The following FANCL variants were observed in gnomAD, a reference collection of about 807,000 sequenced individuals.
FANCL encodes the protein E3 ubiquitin-protein ligase FANCL.
Under a neutral mutation model 59.4 loss-of-function variants are expected in FANCL, and 69 were observed. That is an observed-to-expected ratio of 1.16 (90% CI 0.96 to 1.42). The LOEUF (loss-of-function observed/expected upper bound fraction) is 1.42. Among genes scored for constraint, FANCL ranks in the 40% most tolerant of loss-of-function variants. The probability of loss-of-function intolerance (pLI) is 0.00; values close to 1 mark genes in which losing one functional copy is unlikely to be tolerated. For missense variants in FANCL, 519 were observed against 447.2 expected (o/e 1.16, Z -1.45); for synonymous variants, 180 against 147.1 (o/e 1.22, Z -1.62).
At chr2:58,160,622 G>C (rs1484339872) in intron 12 of FANCL, among the ~76,000 whole-genome samples, 2 of 151,864 alleles carry the variant, frequency 1.3e-5, no homozygotes, top group Non-Finnish European at 2.9e-5. Flanking sequence ...CACTAACAGT[G>C]GGTTAATTTT....
chr2:58,206,498 G>C (rs78289580), intron 5 of FANCL, among the ~76,000 whole-genome samples: 1 of 138,490 alleles, frequency 7.2e-6, no homozygotes, highest in African/African-American at 2.4e-5. Flanking sequence ...TTTAAGAGGG[G>C]TGGAAGAAAA....
At chr2:58,200,304 GCTAA>G (rs1436582969) in intron 6 of FANCL, among the ~76,000 whole-genome samples, 14 of 152,000 alleles carry the variant, frequency 9.2e-5, no homozygotes, top group African/African-American at 2.2e-4. Context: ...TTCCAGCTCT[GCTAA>G]CTAAGTTGTA....
intron 12 of FANCL, 133 bp from the exon 13 acceptor site, chr2:58,160,312 G>C (rs1485851223): frequency 1.0e-5 from 9 of 877,228 alleles, no homozygotes; most frequent in Non-Finnish European, 1.7e-5. Flanking sequence ...TGTTTTGCAA[G>C]AGTAAGGGAT....
At chr2:58,163,193 TGTTA>T (rs1383295294) in intron 9 of FANCL, 119 bp from the exon 10 acceptor site, 1 of 945,454 alleles carries the variant, frequency 1.1e-6, no homozygotes, top group Non-Finnish European at 1.6e-6. Context: ...ATATGTATTA[TGTTA>T]AAAAACAAAA....
chr2:58,174,376 A>G (rs1687040429), intron 7 of FANCL, among the ~76,000 whole-genome samples: 1 of 152,172 alleles, frequency 6.6e-6, no homozygotes, highest in South Asian at 2.1e-4. Context: ...AAAATCGACC[A>G]CATAGTTGGA....
chr2:58,226,520 ACAAT>A, intron 4 of FANCL, among the ~76,000 whole-genome samples: 1 of 152,318 alleles, frequency 6.6e-6, no homozygotes, highest in South Asian at 2.1e-4. Flanking sequence ...AGTTTATAAT[ACAAT>A]CAAAGAGGTT....
At position 58,223,101 on chromosome 2, in the gene FANCL, G is replaced by C. The variant is rs76023686; in HGVS notation, c.274-1059C>G. Among the ~76,000 whole-genome samples, 5 of 149,982 alleles carry C rather than the reference G, an allele frequency of 3.3e-5. No homozygotes were observed. The East Asian group carries it at 5.8e-4, about 17-fold the overall frequency. On this transcript the variant is annotated intron_variant, in intron 4 of 13. Coordinates refer to ENST00000233741, the MANE Select transcript of FANCL (RefSeq NM_018062.4). ...GCACTTCAAAACCAAAACTATTAAC[G>C]GGAACTACTTCAATTTCGTTCTGAA... is the stretch of plus-strand genomic sequence containing the variant.
At chr2:58,236,023 C>A (rs570718666) in intron 1 of FANCL, among the ~76,000 whole-genome samples, 1 of 149,382 alleles carries the variant, frequency 6.7e-6, no homozygotes, top group Non-Finnish European at 1.5e-5. Context: ...TTTGGAGTGC[C>A]CAACACAGAG....
chr2:58,183,328 G>GA (rs535993193), intron 7 of FANCL, among the ~76,000 whole-genome samples: 22 of 150,842 alleles, frequency 1.5e-4, no homozygotes, highest in Non-Finnish European at 2.7e-4. Flanking sequence ...ACAGGATGGT[G>GA]AAAAAAAAAT....
intron 6 of FANCL, among the ~76,000 whole-genome samples, chr2:58,200,987 T>A (rs934826195): frequency 1.3e-5 from 2 of 151,120 alleles, no homozygotes; most frequent in Non-Finnish European, 3.0e-5. Context: ...ATAACAAACC[T>A]CACATAACAG....
intron 4 of FANCL, among the ~76,000 whole-genome samples, chr2:58,225,228 T>TAA (rs558189058): frequency 6.9e-6 from 1 of 144,874 alleles, no homozygotes; most frequent in Non-Finnish European, 1.5e-5. Flanking sequence ...AAAGATACTT[T>TAA]AAAAAAAAAA....
intron 1 of FANCL, among the ~76,000 whole-genome samples, chr2:58,237,503 A>C (rs1165160605): frequency 6.6e-6 from 1 of 152,138 alleles, no homozygotes; most frequent in Non-Finnish European, 1.5e-5. Context: ...CTGTACTAGA[A>C]TAGAAGAAAG....
At chr2:58,218,744 T>G (rs567209195) in intron 5 of FANCL, among the ~76,000 whole-genome samples, 19 of 152,138 alleles carry the variant, frequency 1.2e-4, no homozygotes, top group African/African-American at 4.3e-4. Flanking sequence ...AGTAAATGGA[T>G]AACAGATAAT....
At chr2:58,165,439 G>C (rs1366718440) in intron 8 of FANCL, among the ~76,000 whole-genome samples, 1 of 152,048 alleles carries the variant, frequency 6.6e-6, no homozygotes, top group Non-Finnish European at 1.5e-5. Context: ...TAAATTTTGA[G>C]TTACCTGTTC....
chr2:58,213,397 CCATAAAAATAAAGTTGA>C (rs1558801295), intron 5 of FANCL: 4 of 152,062 alleles, frequency 2.6e-5, no homozygotes, highest in Non-Finnish European at 5.9e-5. Flanking sequence ...AAGAGTTAAG[CCATAAAAATAAAGTTGA>C]TAGGTTTTGT....
Position 58,220,240 on chromosome 2 carries a change from G to A in FANCL, c.374+1702C>T, listed in dbSNP as rs1481791320. ...GTACACACTTTGACTCTTAATCAGGGAGGCGGTAAGGAAAACGGTAAGGTA... is the reference window on the plus strand; with the variant it reads ...GTACACACTTTGACTCTTAATCAGGAAGGCGGTAAGGAAAACGGTAAGGTA... On this transcript the variant is annotated intron_variant, in intron 5 of 13. Coordinates refer to ENST00000233741, the MANE Select transcript of FANCL (RefSeq NM_018062.4). 2.6e-5 allele frequency among the ~76,000 whole-genome samples: 4 copies of A among 152,174 alleles called. No homozygotes were observed. The East Asian group carries it at 7.7e-4, about 29-fold the overall frequency.
intron 5 of FANCL, 49 bp from the exon 6 acceptor site, chr2:58,204,275 G>A (rs1404459): frequency 1.5e-6 from 2 of 1,318,926 alleles, no homozygotes; most frequent in South Asian, 2.3e-5. Flanking sequence ...GAGAGCTGGA[G>A]AGGGGAACTG....
chr2:58,193,566 A>T (rs1227779880), intron 7 of FANCL, among the ~76,000 whole-genome samples: 1 of 152,108 alleles, frequency 6.6e-6, no homozygotes, highest in African/African-American at 2.4e-5. Flanking sequence ...GATCCCTTTG[A>T]TGTCTTTTCA....
At chr2:58,169,639 G>A (rs1428848535) in intron 7 of FANCL, among the ~76,000 whole-genome samples, 2 of 151,820 alleles carry the variant, frequency 1.3e-5, no homozygotes, top group African/African-American at 4.8e-5. Flanking sequence ...CCAATGCAAG[G>A]AAGCTAAGAA....
Sources: allele counts gnomAD v4.1 joint callset (sites outside exome capture counted in the v4.1 genomes callset), GRCh38; gene constraint gnomAD v4.1.1; transcripts MANE v1.5; gene names NCBI Gene and HGNC (gene_info 2026-07-23, HGNC 2026-07-21).